Variants in MKRN2OS observed in about 807,000 individuals in gnomAD.
MKRN2OS encodes the protein MKRN2 opposite strand.
Under a neutral mutation model 18.2 loss-of-function variants are expected in MKRN2OS, and 17 were observed. The observed-to-expected ratio is 0.93, with a 90% CI of 0.64 to 1.40. The LOEUF is 1.40. Ranked by LOEUF, MKRN2OS falls within the 40% of genes most tolerant of loss-of-function variation. MKRN2OS has a pLI of 0.00. For missense variants in MKRN2OS, 337 were observed against 283.0 expected (o/e 1.19, Z -1.37); for synonymous variants, 121 against 108.5 (o/e 1.12, Z -0.72).
rs1327443895 is a variant in MKRN2OS at position 12,545,258 on chromosome 3, C to G, written c.207G>C (p.Gly69=). ...KCSFLLRPTQ[G]TFLREYDGRS... is the part of the protein sequence containing the mutation. ...AAAAAACACTGTACCTAAGAAATGT[C>G]CCCTGAGTTGGTCTGAGGAGGAATG... The change falls in exon 1 of 4, where the codon GGG becomes GGC. Residue 69 remains glycine, a synonymous_variant. Transcript: ENST00000564146. 6.5e-7 allele frequency: 1 copy of G among 1,534,428 alleles called. No individual in the cohort carries two copies. Among genetic ancestry groups the G allele is most frequent in the Admixed American group, 2.0e-5 (1 of 50,856 alleles).
intron 1 of MKRN2OS, among the ~76,000 whole-genome samples, chr3:12,558,772 T>C (rs2058007517): frequency 6.6e-6 from 1 of 152,220 alleles, no homozygotes; most frequent in Admixed American, 6.5e-5. Flanking sequence ...TGTTGCTCCA[T>C]ATAAATGAAG....
downstream of MKRN2OS, among the ~76,000 whole-genome samples, chr3:12,551,460 A>C (rs1041025099): frequency 3.3e-5 from 5 of 151,624 alleles, no homozygotes; most frequent in Non-Finnish European, 4.4e-5. Flanking sequence ...GTGCCTCTGC[A>C]CTCCAGCCTG....
At chr3:12,558,648 A>G (rs536951970) in intron 1 of MKRN2OS, among the ~76,000 whole-genome samples, 1 of 152,342 alleles carries the variant, frequency 6.6e-6, no homozygotes, top group East Asian at 1.9e-4. Context: ...TTTACACCTT[A>G]GTAGAGGCAC....
At chr3:12,541,738 G>T in intron 3 of MKRN2OS, 122 bp downstream of exon 3, 1 of 1,041,286 alleles carries the variant, frequency 9.6e-7, no homozygotes, top group Non-Finnish European at 1.4e-6. Context: ...ATGCTAATAT[G>T]TCTGTATCGG....
Position 12,545,330 on chromosome 3 carries a change from A to T in MKRN2OS, c.135T>A (p.Pro45=), listed in dbSNP as rs1410302123. 6.5e-7 allele frequency: 1 copy of T among 1,536,150 alleles called. No homozygotes were observed. The highest frequency in any genetic ancestry group is 1.4e-5 in the African/African-American group (1 of 73,172). The part of the protein sequence containing the change: ...DLGSRKLEDA[P]VSIANPFTNG... ...TAGTAAATGGATTAGCGATGCTAAC[A>T]GGTGCGTCCTCCAGCTTCCTCGAGC... is the stretch of plus-strand genomic sequence containing the variant. The change falls in exon 1 of 4, where the codon CCT becomes CCA. Residue 45 remains proline (P), a synonymous_variant. Transcript: ENST00000564146.
intron 1 of MKRN2OS, among the ~76,000 whole-genome samples, chr3:12,559,668 T>C (rs969104897): frequency 6.6e-6 from 1 of 152,318 alleles, no homozygotes; most frequent in African/African-American, 2.4e-5. Context: ...TGACTGCTCG[T>C]ACAGTTATGC....
At chr3:12,557,116 C>T (rs772515384) in intron 1 of MKRN2OS, 15 of 1,490,480 alleles carry the variant, frequency 1.0e-5, no homozygotes, top group Middle Eastern at 1.7e-4. Context: ...CTGCGAGAGG[C>T]GGCGGCACGA....
upstream of MKRN2OS, among the ~76,000 whole-genome samples, chr3:12,547,704 T>G (rs2057896560): frequency 6.6e-6 from 1 of 152,164 alleles, no homozygotes; most frequent in Admixed American, 6.5e-5. Context: ...CAAGGCCTAA[T>G]TGATGCCTGT....
chr3:12,540,287 A>T lies in MKRN2OS; in HGVS notation c.578T>A (p.Ile193Asn). 6.5e-7 allele frequency: 1 copy of T among 1,536,046 alleles called. No homozygotes were observed. Among genetic ancestry groups the T allele is most frequent in the Non-Finnish European group, 8.7e-7 (1 of 1,146,902 alleles). The change falls in exon 4 of 4, where the codon ATC becomes AAC. Residue 193 changes from isoleucine to asparagine, a missense_variant. Coordinates refer to ENST00000564146, the MANE Select transcript of MKRN2OS (RefSeq NM_001195279.2). Reference sequence around the variant, plus strand: ...CTCCCGTATCGCCCGGTAGAGTGTGATGAACTTGGATGCCAGCCTTGTCCG... The same window carrying T: ...CTCCCGTATCGCCCGGTAGAGTGTGTTGAACTTGGATGCCAGCCTTGTCCG... ...VPRTRLASKF[I>N]TLYRAIREHG...
downstream of MKRN2OS, among the ~76,000 whole-genome samples, chr3:12,550,580 T>C (rs147455845): frequency 0.014 from 2,150 of 152,316 alleles, 25 homozygotes; most frequent in Non-Finnish European, 0.02. Context: ...GCCAGGCACT[T>C]GTCCTCCAAA....
chr3:12,539,935 G>A lies in MKRN2OS; in HGVS notation c.*258C>T, dbSNP rs542758955. On this transcript the variant is annotated 3_prime_UTR_variant, in exon 4 of 4. Transcript: ENST00000564146. ...CTAGTAGTTGGGATTACAGGCATGC[G>A]CCACCATGCCCAGCTAATTTTATAT... 157 of 428,926 alleles carry A rather than the reference G, an allele frequency of 3.7e-4. No individual in the cohort carries two copies. Among genetic ancestry groups the A allele is most frequent in the African/African-American group, 9.6e-4 (48 of 50,074 alleles). 26.6% of individuals were successfully genotyped at this position (428,926 alleles called of 1,614,324 possible). A position where few individuals can be genotyped will look rare whatever the true frequency, so the allele number is the denominator to read the frequency against.
chr3:12,548,554 C>T (rs1241946101), upstream of MKRN2OS, among the ~76,000 whole-genome samples: 4 of 150,332 alleles, frequency 2.7e-5, no homozygotes, highest in Non-Finnish European at 5.9e-5. Context: ...ATCGCTTGAA[C>T]CCAGGAGGCG....
rs1183324635 is a variant in MKRN2OS at position 12,543,183 on chromosome 3, TTG to T, written c.263_264del (p.Thr88LysfsTer6). ...TAAGCTACAAAACTGCACTTACCAT[TTG>T]TGTTAGTTATTCCAACATGAAGATC... ...RSDLHVGITN[T>X]NGVVYNYSAH... is the part of the protein sequence containing the mutation. On this transcript the variant is annotated frameshift_variant, in exon 2 of 4. Coordinates refer to ENST00000564146, the MANE Select transcript of MKRN2OS (RefSeq NM_001195279.2). LOFTEE classifies it high-confidence loss of function. 6.5e-7 allele frequency: 1 copy of T among 1,535,580 alleles called. No individual in the cohort carries two copies. Among genetic ancestry groups the T allele is most frequent in the African/African-American group, 1.4e-5 (1 of 73,040 alleles).
At chr3:12,540,562 TG>T in intron 3 of MKRN2OS, 129 bp from the exon 4 acceptor site, 1 of 1,108,134 alleles carries the variant, frequency 9.0e-7, no homozygotes, top group East Asian at 2.6e-5. Flanking sequence ...CTGGCTTATG[TG>T]GTTAAGAAGC....
At position 12,545,380 on chromosome 3, in the gene MKRN2OS, A is replaced by G. The variant is rs1201735198; in HGVS notation, c.85T>C (p.Cys29Arg). ...YIYSFSVPQC[C>R]PLCQQDLGSR... ...CCCAGGTCCTGCTGGCAGAGAGGGC[A>G]GCACTGGGGCACACTGAAGCTGTAG... Residue 29 changes from cysteine to arginine, a missense_variant, in exon 1 of 4, where the codon TGC becomes CGC. Coordinates refer to ENST00000564146, the MANE Select transcript of MKRN2OS (RefSeq NM_001195279.2). The G allele has an allele frequency of 6.5e-7, 1 of 1,536,070 alleles. No individual in the cohort carries two copies. The highest frequency in any genetic ancestry group is 1.2e-5 in the South Asian group (1 of 84,050).
upstream of MKRN2OS, among the ~76,000 whole-genome samples, chr3:12,550,371 A>C (rs369011793): frequency 9.8e-5 from 15 of 152,290 alleles, 1 homozygote; most frequent in Admixed American, 7.2e-4. Flanking sequence ...AACTATATGA[A>C]ACTGTGGAAA....
At chr3:12,542,387 A>G (rs964735333) in intron 2 of MKRN2OS, among the ~76,000 whole-genome samples, 1 of 152,188 alleles carries the variant, frequency 6.6e-6, no homozygotes, top group African/African-American at 2.4e-5. Flanking sequence ...TGTTTCCTTA[A>G]ATCAGGAATA....
At chr3:12,554,507 A>AATAT (rs1373149360) in intron 1 of MKRN2OS, among the ~76,000 whole-genome samples, 1 of 149,802 alleles carries the variant, frequency 6.7e-6, no homozygotes, top group Non-Finnish European at 1.5e-5. Flanking sequence ...GAAATATAAA[A>AATAT]ATATATATAT....
chr3:12,542,711 TAAAAAAAAAAA>T (rs544900301), intron 2 of MKRN2OS, among the ~76,000 whole-genome samples: 1 of 109,072 alleles, frequency 9.2e-6, no homozygotes, highest in Non-Finnish European at 1.8e-5. Flanking sequence ...TCACTTTCCT[TAAAAAAAAAAA>T]AAAAAAAAAA....
Sources: allele counts gnomAD v4.1 joint callset (sites outside exome capture counted in the v4.1 genomes callset), GRCh38; gene constraint gnomAD v4.1.1; transcripts MANE v1.5; gene names NCBI Gene and HGNC (gene_info 2026-07-23, HGNC 2026-07-21).